Variants in ZDHHC4 observed in about 807,000 individuals in gnomAD.
ZDHHC4 encodes the protein palmitoyltransferase ZDHHC4.
A neutral mutation model predicts 36.7 loss-of-function variants in ZDHHC4; 42 were observed. The ratio of observed to expected loss-of-function variants is 1.14; its 90% CI spans 0.89 to 1.48. ZDHHC4 has a LOEUF of 1.48. ZDHHC4 is among the 40% of genes most tolerant of loss of function. The probability of loss-of-function intolerance (pLI) is 0.00; values close to 1 mark genes in which losing one functional copy is unlikely to be tolerated. For missense variants in ZDHHC4, 457 were observed against 421.5 expected (o/e 1.08, Z -0.74); for synonymous variants, 189 against 166.6 (o/e 1.13, Z -1.03).
At chr7:6,580,740 G>C in intron 3 of ZDHHC4, 62 bp downstream of exon 3, 1 of 1,517,638 alleles carries the variant, frequency 6.6e-7, no homozygotes, top group Middle Eastern at 1.8e-4. Context: ...GAGACTCACA[G>C]GTTTTGCTAC....
Position 6,588,924 on chromosome 7 carries a change from G to A in ZDHHC4, c.*14G>A. 6.3e-7 allele frequency: 1 copy of A among 1,593,768 alleles called. No individual in the cohort carries two copies. Among genetic ancestry groups the A allele is most frequent in the Non-Finnish European group, 8.6e-7 (1 of 1,163,984 alleles). On this transcript the variant is annotated 3_prime_UTR_variant, in exon 8 of 8. Coordinates refer to ENST00000335965, the MANE Select transcript of ZDHHC4 (RefSeq NM_001134389.2). ...AAACAAGAATGACAAGTGTATGACT[G>A]CCTTTGAGCTGTAGTTCCCGTTTAT... is the stretch of plus-strand genomic sequence containing the variant.
chr7:6,584,151 T>C (rs1781061744), intron 6 of ZDHHC4: 1 of 152,222 alleles, frequency 6.6e-6, no homozygotes, highest in African/African-American at 2.4e-5. Context: ...AACCTACATA[T>C]GTAAAATATC....
intron 7 of ZDHHC4, 41 bp from the exon 8 acceptor site, chr7:6,588,576 C>G (rs1562547040): frequency 6.3e-7 from 1 of 1,595,596 alleles, no homozygotes; most frequent in Non-Finnish European, 8.6e-7. Flanking sequence ...ATGGATGTCA[C>G]AGTCCAGCTG....
At chr7:6,588,502 A>C (rs1352395025) in intron 7 of ZDHHC4, 115 bp from the exon 8 acceptor site, 29 of 1,058,348 alleles carry the variant, frequency 2.7e-5, no homozygotes, top group Non-Finnish European at 4.1e-5. Context: ...GGACACAAGT[A>C]GGTGGGCTGA....
chr7:6,583,396 G>A lies in ZDHHC4; in HGVS notation c.461G>A (p.Cys154Tyr). The A allele has an allele frequency of 1.9e-6, 3 of 1,613,634 alleles. No individual in the cohort carries two copies. The highest frequency in any genetic ancestry group is 1.3e-5 in the African/African-American group (1 of 75,032). Residue 154 changes from cysteine to tyrosine, a missense_variant, in exon 6 of 8, where the codon TGT becomes TAT. Coordinates refer to ENST00000335965, the MANE Select transcript of ZDHHC4 (RefSeq NM_001134389.2). The part of the protein sequence containing the change: ...MFPKNVRCST[C>Y]DLRKPARSKH... ...CCAAAGAACGTGAGGTGCTCTACTTGTGATTTAAGGAAACCAGCTCGATCC... is the reference window on the plus strand; with the variant it reads ...CCAAAGAACGTGAGGTGCTCTACTTATGATTTAAGGAAACCAGCTCGATCC...
Position 6,588,402 on chromosome 7 carries a change from C to A in ZDHHC4, c.742-215C>A, listed in dbSNP as rs146207854. ...ACTTTCCCTTTTCCTTCAGTGTGAA[C>A]ACTTCATTCATCCCACAGGAAACTC... On this transcript the variant is annotated intron_variant, in intron 7 of 7. Transcript: ENST00000335965. 1.1e-4 allele frequency among the ~76,000 whole-genome samples: 17 copies of A among 152,312 alleles called. No homozygotes were observed. In the East Asian group the frequency reaches 3.3e-3, roughly 29 times the overall value.
rs1282115132 is a variant in ZDHHC4 at position 6,577,459 on chromosome 7, C to A, written c.-202C>A. On this transcript the variant is annotated 5_prime_UTR_variant, in exon 1 of 8. Coordinates refer to ENST00000335965, the MANE Select transcript of ZDHHC4 (RefSeq NM_001134389.2). ...GATGTCACGAGCCCGCAGGAAGTCT[C>A]GTATCGCGCCCGGGAGGCGCCGGAG... is the stretch of plus-strand genomic sequence containing the variant. 1 of 152,108 alleles carries A rather than the reference C, an allele frequency of 6.6e-6. No individual in the cohort carries two copies. The highest frequency in any genetic ancestry group is 2.4e-5 in the African/African-American group (1 of 41,438). The allele number at this position is 152,108 out of a possible 1,614,324, so 9.4% of individuals were successfully genotyped here. A position where few individuals can be genotyped will look rare whatever the true frequency, so the allele number is the denominator to read the frequency against.
intron 6 of ZDHHC4, chr7:6,584,753 C>G (rs1383651063): frequency 1.0e-5 from 5 of 487,238 alleles, no homozygotes; most frequent in Non-Finnish European, 1.9e-5. Context: ...CCCGCCTAGC[C>G]TCTGAGTAGC....
At chr7:6,579,142 T>G (rs1407528754) in intron 2 of ZDHHC4, among the ~76,000 whole-genome samples, 1 of 122,506 alleles carries the variant, frequency 8.2e-6, no homozygotes, top group Non-Finnish European at 1.7e-5. Flanking sequence ...TACCTTTTTT[T>G]TCTTCTTTTT....
intron 6 of ZDHHC4, among the ~76,000 whole-genome samples, chr7:6,584,683 G>C (rs1454696391): frequency 6.6e-6 from 1 of 152,132 alleles, no homozygotes; most frequent in Non-Finnish European, 1.5e-5. Context: ...ACCCAGGCTG[G>C]AGTGCTGTGA....
chr7:6,580,619 C>G lies in ZDHHC4; in HGVS notation c.58C>G (p.Leu20Val). 2 of 1,614,124 alleles carry G rather than the reference C, an allele frequency of 1.2e-6. No individual in the cohort carries two copies. The highest frequency in any genetic ancestry group is 1.7e-6 in the Non-Finnish European group (2 of 1,180,030). Residue 20 changes from leucine to valine, a missense_variant, in exon 3 of 8, where the codon CTT becomes GTT. Transcript: ENST00000335965. ...YLASVLMGLV[L>V]ICVCSKTHSL... is the part of the protein sequence containing the mutation. ...GGCTTCGGTGCTGATGGGTCTTGTT[C>G]TTATCTGCGTCTGCTCGAAAACCCA...
Position 6,588,830 on chromosome 7 carries a change from C to G in ZDHHC4, c.955C>G (p.His319Asp). ...SAEPQVHRNI[H>D]SHGLRSNLQE... ...AGAGCCCCAAGTCCACCGGAACATT[C>G]ACTCCCATGGGCTTCGGAGCAACCT... The change falls in exon 8 of 8, where the codon CAC (histidine) becomes GAC (aspartate). Residue 319 changes from histidine to aspartate, a missense_variant. By Grantham distance (81) the His-to-Asp change is moderately conservative (BLOSUM62 -1). Coordinates refer to ENST00000335965, the MANE Select transcript of ZDHHC4 (RefSeq NM_001134389.2). 1.2e-6 allele frequency: 2 copies of G among 1,614,204 alleles called. No homozygotes were observed. Among genetic ancestry groups the G allele is most frequent in the Non-Finnish European group, 1.7e-6 (2 of 1,180,036 alleles).
intron 5 of ZDHHC4, among the ~76,000 whole-genome samples, chr7:6,582,806 G>A (rs117132924): frequency 1.3e-5 from 2 of 152,044 alleles, no homozygotes; most frequent in East Asian, 1.9e-4. Context: ...GTGAGCCACC[G>A]CACTGGCAGA....
rs1487449738 is a variant in ZDHHC4 at position 6,583,421 on chromosome 7, C to A, written c.486C>A (p.Ser162=). Residue 162 remains serine, a synonymous_variant, in exon 6 of 8, where the codon TCC becomes TCA. Coordinates refer to ENST00000335965, the MANE Select transcript of ZDHHC4 (RefSeq NM_001134389.2). ...GTGATTTAAGGAAACCAGCTCGATC[C>A]AAGCACTGCAGTGAGTGTGGCTCTC... ...STCDLRKPAR[S]KHCSVCNWCV... The A allele has an allele frequency of 6.2e-7, 1 of 1,612,482 alleles. No individual in the cohort carries two copies. The highest frequency in any genetic ancestry group is 1.1e-5 in the South Asian group (1 of 90,908).
intron 7 of ZDHHC4, among the ~76,000 whole-genome samples, chr7:6,586,424 T>C (rs1345411415): frequency 6.6e-6 from 1 of 152,182 alleles, no homozygotes; most frequent in Non-Finnish European, 1.5e-5. Flanking sequence ...ACTGGCTTCT[T>C]TCTTGTGGCA....
Position 6,585,500 on chromosome 7 carries a change from C to T in ZDHHC4, c.741+240C>T, listed in dbSNP as rs191105799. On this transcript the variant is annotated intron_variant, in intron 7 of 7. Transcript: ENST00000335965. ...GTCTCCTGTAGAGACCTTGTCTCTACAAAAAATACAAAAATGAGCCAGGGC... is the reference window on the plus strand; with the variant it reads ...GTCTCCTGTAGAGACCTTGTCTCTATAAAAAATACAAAAATGAGCCAGGGC... Among the ~76,000 whole-genome samples, 196 of 152,060 alleles carry T rather than the reference C, an allele frequency of 1.3e-3. 1 individual carries two copies. Among genetic ancestry groups the T allele is most frequent in the African/African-American group, 4.6e-3 (189 of 41,490 alleles).
chr7:6,584,835 C>T (rs1781119674), intron 6 of ZDHHC4, 181 bp from the exon 7 acceptor site: 3 of 804,322 alleles, frequency 3.7e-6, no homozygotes, highest in South Asian at 1.8e-5. Context: ...TCAATACCCA[C>T]ATTTGGCTGG....
Position 6,584,938 on chromosome 7 carries a change from A to T in ZDHHC4, c.497-78A>T, listed in dbSNP as rs1397338930. The T allele has an allele frequency of 6.4e-6, 10 of 1,571,468 alleles. No individual in the cohort carries two copies. The African/African-American group carries it at 1.2e-4, about 19-fold the overall frequency. ...TGATGACACATCCAGTGGACAGATT[A>T]TGAAAATCTCAGCAGGTGTGCGGTG... On this transcript the variant is annotated intron_variant, in intron 6 of 7. Coordinates refer to ENST00000335965, the MANE Select transcript of ZDHHC4 (RefSeq NM_001134389.2).
rs548717057 is a variant in ZDHHC4 at position 6,589,317 on chromosome 7, C to T, written c.*407C>T. ...TTATGCCCCCTCTATTCTCCTCTCT[C>T]CCCCAGGGGATTTTCATCTCAACAA... On this transcript the variant is annotated 3_prime_UTR_variant, in exon 8 of 8. Coordinates refer to ENST00000335965, the MANE Select transcript of ZDHHC4 (RefSeq NM_001134389.2). The T allele has an allele frequency of 5.1e-6, 1 of 195,040 alleles. No individual in the cohort carries two copies. Among genetic ancestry groups the T allele is most frequent in the South Asian group, 9.3e-5 (1 of 10,708 alleles). 12.1% of individuals were successfully genotyped at this position (195,040 alleles called of 1,614,324 possible).
Sources: allele counts gnomAD v4.1 joint callset (sites outside exome capture counted in the v4.1 genomes callset), GRCh38; gene constraint gnomAD v4.1.1; transcripts MANE v1.5; gene names NCBI Gene and HGNC (gene_info 2026-07-23, HGNC 2026-07-21).